Variants in EXOC6B observed in about 807,000 individuals in gnomAD.
EXOC6B encodes the protein exocyst complex component 6B.
EXOC6B carries 54 observed loss-of-function variants against 113.5 expected under a neutral mutation model. The observed-to-expected ratio is 0.48, with a 90% CI of 0.38 to 0.60. The LOEUF is 0.60. EXOC6B is among the 20% of genes least tolerant of loss of function. The pLI is 0.00. For synonymous variants in EXOC6B, 357 were observed against 339.0 expected, an observed-to-expected ratio of 1.05 and a Z score of -0.58; for missense variants, 797 against 977.5, an observed-to-expected ratio of 0.82 and a Z score of 2.46.
At chr2:72,235,916 C>T (rs550613755) in intron 20 of EXOC6B, among the ~76,000 whole-genome samples, 1 of 152,220 alleles carries the variant, frequency 6.6e-6, no homozygotes, top group African/African-American at 2.4e-5. Context: ...TTTGCCCCCC[C>T]TTCAAGGGCA....
chr2:72,253,434 T>C (rs1683149971), intron 20 of EXOC6B, among the ~76,000 whole-genome samples: 2 of 152,148 alleles, frequency 1.3e-5, no homozygotes, highest in African/African-American at 4.8e-5. Flanking sequence ...AGCAAAGTCA[T>C]GAAATCAACC....
intron 8 of EXOC6B, among the ~76,000 whole-genome samples, chr2:72,557,588 G>A (rs937571102): frequency 6.6e-6 from 1 of 152,036 alleles, no homozygotes; most frequent in African/African-American, 2.4e-5. Context: ...ATAAGTGGGG[G>A]CTAAATGACA....
intron 20 of EXOC6B, among the ~76,000 whole-genome samples, chr2:72,284,671 G>A (rs1488960231): frequency 6.6e-6 from 1 of 151,912 alleles, no homozygotes; most frequent in Non-Finnish European, 1.5e-5. Context: ...AATTGAAAGA[G>A]AAGAAAGAAA....
Position 72,215,692 on chromosome 2 carries a change from C to T in EXOC6B, c.2197-31505G>A, listed in dbSNP as rs150189021. Among the ~76,000 whole-genome samples the T allele has an allele frequency of 5.5e-4, 83 of 152,156 alleles. 1 individual carries two copies. In the East Asian group the frequency reaches 0.012, roughly 21 times the overall value. On this transcript the variant is annotated intron_variant, in intron 20 of 21. Coordinates refer to ENST00000272427, the MANE Select transcript of EXOC6B (RefSeq NM_015189.3). ...CTGAGCGCGTACCATGAGTACAGAA[C>T]CTTTGGGATCAATATACATGAGAAA...
intron 19 of EXOC6B, among the ~76,000 whole-genome samples, chr2:72,364,890 T>C (rs1030841785): frequency 1.3e-5 from 2 of 152,184 alleles, no homozygotes; most frequent in Non-Finnish European, 2.9e-5. Flanking sequence ...CTTTCCTTCC[T>C]TTTCTTTATA....
chr2:72,429,428 G>T (rs374600429), intron 18 of EXOC6B, among the ~76,000 whole-genome samples: 6 of 152,112 alleles, frequency 3.9e-5, no homozygotes, highest in Non-Finnish European at 7.4e-5. Flanking sequence ...GCATAAAGTG[G>T]TTCGATTTGA....
chr2:72,695,281 C>T (rs986566760), intron 6 of EXOC6B, among the ~76,000 whole-genome samples: 26 of 152,118 alleles, frequency 1.7e-4, no homozygotes, highest in Non-Finnish European at 5.9e-5. Flanking sequence ...AAGCACAAAG[C>T]TCCTGCAGTA....
At chr2:72,668,834 G>A (rs1675577597) in intron 6 of EXOC6B, among the ~76,000 whole-genome samples, 1 of 152,162 alleles carries the variant, frequency 6.6e-6, no homozygotes, top group Non-Finnish European at 1.5e-5. Context: ...AACCACCAGG[G>A]TGACATATTC....
chr2:72,483,122 C>G (rs1355592990), intron 16 of EXOC6B, among the ~76,000 whole-genome samples: 1 of 152,116 alleles, frequency 6.6e-6, no homozygotes, highest in African/African-American at 2.4e-5. Context: ...AAAAAATATC[C>G]ACCAAAATAA....
chr2:72,185,462 G>A (rs1418843931), intron 20 of EXOC6B, among the ~76,000 whole-genome samples: 1 of 152,222 alleles, frequency 6.6e-6, no homozygotes, highest in Non-Finnish European at 1.5e-5. Context: ...ATGGGAATTG[G>A]CTGAAGTCCC....
In EXOC6B at chr2:72,748,959, A is replaced by G. The variant is rs561668841; in HGVS notation, c.114-7490T>C. ...CATAGAGACTGCCATAATTGCTACT[A>G]TGATAATGTCACACTATTAGAACAA... On this transcript the variant is annotated intron_variant, in intron 1 of 21. Transcript: ENST00000272427. Among the ~76,000 whole-genome samples the G allele has an allele frequency of 7.2e-5, 11 of 152,226 alleles. No individual in the cohort carries two copies. In the East Asian group the frequency reaches 9.7e-4, roughly 13 times the overall value.
At chr2:72,730,364 G>A (rs1356238485) in intron 5 of EXOC6B, among the ~76,000 whole-genome samples, 2 of 152,096 alleles carry the variant, frequency 1.3e-5, no homozygotes, top group Admixed American at 6.6e-5. Context: ...TTCCACCACA[G>A]GTGAAAACCT....
intron 17 of EXOC6B, among the ~76,000 whole-genome samples, chr2:72,466,774 A>ATGG (rs1698082916): frequency 6.6e-6 from 1 of 152,350 alleles, no homozygotes; most frequent in African/African-American, 2.4e-5. Flanking sequence ...ACTGCTTTTA[A>ATGG]TGGCAAAAAC....
Position 72,436,537 on chromosome 2 carries a change from A to G in EXOC6B, c.1980+28623T>C, listed in dbSNP as rs569730303. ...CTCGCTGTCCCTTTTAGGTACATCA[A>G]TCAATCATAGATTTGGTCTTTTCAC... is the stretch of plus-strand genomic sequence containing the variant. On this transcript the variant is annotated intron_variant, in intron 18 of 21. Coordinates refer to ENST00000272427, the MANE Select transcript of EXOC6B (RefSeq NM_015189.3). Among the ~76,000 whole-genome samples the G allele has an allele frequency of 7.9e-5, 12 of 152,266 alleles. No individual in the cohort carries two copies. The South Asian group carries it at 8.3e-4, about 11-fold the overall frequency.
intron 18 of EXOC6B, among the ~76,000 whole-genome samples, chr2:72,404,125 C>A (rs1296948390): frequency 6.6e-6 from 1 of 152,172 alleles, no homozygotes; most frequent in Admixed American, 6.5e-5. Context: ...GCACAGCAGT[C>A]TGATATCAAA....
intron 8 of EXOC6B, among the ~76,000 whole-genome samples, chr2:72,535,132 C>A (rs1702207563): frequency 6.6e-6 from 1 of 152,162 alleles, no homozygotes; most frequent in Non-Finnish European, 1.5e-5. Flanking sequence ...AACACATACT[C>A]TTTAAGAACA....
chr2:72,507,696 T>A (rs879330214), intron 11 of EXOC6B, among the ~76,000 whole-genome samples: 9 of 152,042 alleles, frequency 5.9e-5, no homozygotes, highest in Non-Finnish European at 1.2e-4. Flanking sequence ...AATGATTTTT[T>A]AAAAAGAAGG....
intron 19 of EXOC6B, among the ~76,000 whole-genome samples, chr2:72,354,438 A>G (rs1191120552): frequency 6.6e-6 from 1 of 152,220 alleles, no homozygotes; most frequent in Non-Finnish European, 1.5e-5. Flanking sequence ...TGTCAGGGTT[A>G]GAGCAGCATG....
intron 1 of EXOC6B, among the ~76,000 whole-genome samples, chr2:72,777,000 G>T (rs1202765787): frequency 2.0e-5 from 3 of 152,098 alleles, no homozygotes; most frequent in African/African-American, 7.2e-5. Flanking sequence ...TAGCACTTTG[G>T]GAGGCTGAGG....
Sources: allele counts gnomAD v4.1 joint callset (sites outside exome capture counted in the v4.1 genomes callset), GRCh38; gene constraint gnomAD v4.1.1; transcripts MANE v1.5; gene names NCBI Gene and HGNC (gene_info 2026-07-23, HGNC 2026-07-21).